FLT1: variants seen among roughly 807,000 people sequenced by gnomAD.
FLT1 encodes fms related receptor tyrosine kinase 1.
In FLT1, 49 loss-of-function variants were observed where a neutral mutation model predicts 156.3. The observed-to-expected ratio is 0.31, with a 90% CI of 0.25 to 0.40. The LOEUF (loss-of-function observed/expected upper bound fraction) is 0.40, where lower values mean the gene tolerates loss of function less well. Among genes scored for constraint, FLT1 ranks in the 10% least tolerant of loss-of-function variants. FLT1 has a pLI of 1.00. For synonymous variants in FLT1, 594 were observed against 583.8 expected (o/e 1.02, Z -0.25); for missense variants, 1,322 against 1,637.2 (o/e 0.81, Z 3.32).
At chr13:28,418,440 G>T (rs918394270) in intron 10 of FLT1, among the ~76,000 whole-genome samples, 1 of 152,172 alleles carries the variant, frequency 6.6e-6, no homozygotes, top group African/African-American at 2.4e-5. Context: ...GGTTAGGCAG[G>T]CGCCCTCCCA....
At chr13:28,396,084 G>A (rs964886940) in intron 12 of FLT1, among the ~76,000 whole-genome samples, 1 of 152,204 alleles carries the variant, frequency 6.6e-6, no homozygotes, top group Non-Finnish European at 1.5e-5. Context: ...CAGCCCTGAC[G>A]TTCTATGAGA....
intron 15 of FLT1, among the ~76,000 whole-genome samples, chr13:28,349,028 T>C (rs1348917766): frequency 6.6e-6 from 1 of 152,222 alleles, no homozygotes; most frequent in Non-Finnish European, 1.5e-5. Flanking sequence ...GGTATACAGT[T>C]AGAAGAGAAA....
chr13:28,490,675 T>C (rs1201146040), intron 1 of FLT1, among the ~76,000 whole-genome samples: 1 of 152,192 alleles, frequency 6.6e-6, no homozygotes, highest in Admixed American at 6.5e-5. Context: ...TGGAGCAGAA[T>C]GGACTGTTCG....
rs1398830858 is a variant in FLT1 at position 28,433,939 on chromosome 13, A to G, written c.693T>C (p.Asp231=). 1.2e-6 allele frequency: 2 copies of G among 1,614,186 alleles called. No homozygotes were observed. The highest frequency in any genetic ancestry group is 2.2e-5 in the East Asian group (1 of 44,878). ...LTHRQTNTII[D]VQISTPRPVK... ...CTGGGCGTGGTGTGCTTATTTGGAC[A>G]TCTATGATTGTATTGGCTGCAAGCA... Residue 231 remains aspartate (D), a synonymous_variant, in exon 6 of 30, where the codon GAT becomes GAC. Coordinates refer to ENST00000282397, the MANE Select transcript of FLT1 (RefSeq NM_002019.4).
chr13:28,306,331 T>C (rs578228013), intron 29 of FLT1, among the ~76,000 whole-genome samples: 53 of 152,008 alleles, frequency 3.5e-4, no homozygotes, highest in African/African-American at 1.2e-3. Context: ...GCATAGGGAG[T>C]GACAGCGGGG....
chr13:28,330,819 T>C (rs1211082905), intron 18 of FLT1, among the ~76,000 whole-genome samples: 1 of 152,056 alleles, frequency 6.6e-6, no homozygotes, highest in Non-Finnish European at 1.5e-5. Flanking sequence ...GTTCAAGCGA[T>C]TCTCATGCCT....
chr13:28,354,481 G>T (rs1448321133), intron 15 of FLT1, among the ~76,000 whole-genome samples: 1 of 152,080 alleles, frequency 6.6e-6, no homozygotes, highest in African/African-American at 2.4e-5. Flanking sequence ...ACTATTTCAA[G>T]AAAACAATCT....
At chr13:28,348,916 C>CAA (rs5802478) in intron 15 of FLT1, among the ~76,000 whole-genome samples, 124 of 122,490 alleles carry the variant, frequency 1.0e-3, no homozygotes, top group Middle Eastern at 4.6e-3. Context: ...GACTCCGTCT[C>CAA]AAAAAAAAAA....
In FLT1 at chr13:28,431,116, C is replaced by T. The variant is rs2137546441; in HGVS notation, c.988+20G>A. The T allele has an allele frequency of 6.2e-7, 1 of 1,601,530 alleles. No individual in the cohort carries two copies. Among genetic ancestry groups the T allele is most frequent in the East Asian group, 2.2e-5 (1 of 44,816 alleles). ...GATTAGAAAGCATAGCATGAGTTGG[C>T]AACGCTGAACTATGCTTACCATATA... On this transcript the variant is annotated intron_variant, in intron 7 of 29. Coordinates refer to ENST00000282397, the MANE Select transcript of FLT1 (RefSeq NM_002019.4).
chr13:28,414,612 T>C (rs1316811191), intron 10 of FLT1, among the ~76,000 whole-genome samples: 1 of 152,244 alleles, frequency 6.6e-6, no homozygotes, highest in African/African-American at 2.4e-5. Flanking sequence ...CAGTTTATTA[T>C]CTGATTTCAT....
chr13:28,319,321 C>G, intron 24 of FLT1, 102 bp downstream of exon 24: 1 of 770,994 alleles, frequency 1.3e-6, no homozygotes, highest in Non-Finnish European at 2.3e-6. Flanking sequence ...TTTTTTGTTA[C>G]AGTAGGTTCT....
intron 18 of FLT1, among the ~76,000 whole-genome samples, chr13:28,330,595 T>TATATATATATATATCATATATATATG (rs1871887071): frequency 4.1e-5 from 6 of 147,798 alleles, no homozygotes; most frequent in African/African-American, 1.5e-4. Flanking sequence ...GTCCTATATA[T>TATATATATATATATCATATATATATG]ATATATATAT....
chr13:28,439,718 CAG>C lies in FLT1; in HGVS notation c.389-1375_389-1374del, dbSNP rs1288913132. Among the ~76,000 whole-genome samples the C allele has an allele frequency of 6.6e-6, 1 of 152,108 alleles. No homozygotes were observed. The highest frequency in any genetic ancestry group is 1.5e-5 in the Non-Finnish European group (1 of 68,022). On this transcript the variant is annotated intron_variant, in intron 3 of 29. Transcript: ENST00000282397. The surrounding 1 kb of genome is among the most constrained non-coding windows in gnomAD (Gnocchi z 4.1). Reference sequence around the variant, plus strand: ...GACTCGCACTATGTGCAGATGGAGGCAGAGACAGGTGTGATGCAGCGGCAAGC... The same window carrying C: ...GACTCGCACTATGTGCAGATGGAGGCAGACAGGTGTGATGCAGCGGCAAGC...
chr13:28,467,680 T>C (rs984312128), intron 1 of FLT1, 63 bp from the exon 2 acceptor site: 30 of 884,636 alleles, frequency 3.4e-5, no homozygotes, highest in Non-Finnish European at 4.7e-5. Context: ...TTTTAAGTTA[T>C]CTTTCCATGA....
At chr13:28,336,662 C>G (rs1253256659) in intron 17 of FLT1, among the ~76,000 whole-genome samples, 1 of 151,916 alleles carries the variant, frequency 6.6e-6, no homozygotes, top group Non-Finnish European at 1.5e-5. Context: ...TCCTGACTCC[C>G]TGTATTGTTT....
chr13:28,429,962 T>G (rs1446182086), intron 8 of FLT1, 88 bp downstream of exon 8: 1 of 901,516 alleles, frequency 1.1e-6, no homozygotes, highest in African/African-American at 1.6e-5. Context: ...CTCTTGGTAT[T>G]TTGTCAGGAA....
chr13:28,349,677 C>G (rs1179148996), intron 15 of FLT1, among the ~76,000 whole-genome samples: 1 of 152,174 alleles, frequency 6.6e-6, no homozygotes, highest in Non-Finnish European at 1.5e-5. Context: ...ATTGTGGGAA[C>G]TTTCCTGCTG....
At chr13:28,382,260 G>A (rs1468452498) in intron 14 of FLT1, among the ~76,000 whole-genome samples, 1 of 152,210 alleles carries the variant, frequency 6.6e-6, no homozygotes, top group Non-Finnish European at 1.5e-5. Flanking sequence ...ATGCGACAAA[G>A]GAAGGGAAGG....
intron 18 of FLT1, 80 bp downstream of exon 18, chr13:28,333,945 G>A (rs921597959): frequency 2.2e-6 from 2 of 902,988 alleles, no homozygotes; most frequent in Non-Finnish European, 3.8e-6. Context: ...CTGTTCCCAG[G>A]CTATATCTAA....
Sources: gnomAD v4.1 joint callset for allele counts (sites outside exome capture counted in the v4.1 genomes callset) on GRCh38, gnomAD v4.1.1 for gene constraint, Gnocchi (gnomAD v3.1) non-coding constraint, MANE v1.5 for transcripts, NCBI Gene and HGNC (gene_info 2026-07-23, HGNC 2026-07-21) for gene names.